LSM14A: variants seen among roughly 807,000 people sequenced by gnomAD.
LSM14A encodes LSM14A mRNA processing body assembly factor.
LSM14A carries 14 observed loss-of-function variants against 52.4 expected under a neutral mutation model. The ratio of observed to expected loss-of-function variants is 0.27; its 90% CI spans 0.18 to 0.42. LSM14A has a LOEUF of 0.42. LSM14A is among the 10% of genes least tolerant of loss of function. The pLI is 1.00. For synonymous variants in LSM14A, 185 were observed against 200.3 expected, an observed-to-expected ratio of 0.92 and a Z score of 0.64; for missense variants, 417 against 581.8, an observed-to-expected ratio of 0.72 and a Z score of 2.91.
chr19:34,196,768 GTTTTCTTTTTC>G lies in LSM14A; in HGVS notation c.415+16_415+26del. ...AGTTTGGTGCTGTTGGTGTTGGTATGTTTTCTTTTTCTTTTCTTTTTTTGTTTTTGTATTCT... is the reference window on the plus strand; with the variant it reads ...AGTTTGGTGCTGTTGGTGTTGGTATGTTTTCTTTTTTTGTTTTTGTATTCT... On this transcript the variant is annotated splice_donor_region_variant and intron_variant, in intron 3 of 9. Coordinates refer to ENST00000544216, the MANE Select transcript of LSM14A (RefSeq NM_015578.4). The G allele has an allele frequency of 6.3e-7, 1 of 1,589,150 alleles. No individual in the cohort carries two copies. Among genetic ancestry groups the G allele is most frequent in the Non-Finnish European group, 8.5e-7 (1 of 1,173,366 alleles).
intron 1 of LSM14A, among the ~76,000 whole-genome samples, chr19:34,192,319 G>GCTTTTTTTTTTT (rs2070450450): frequency 1.9e-5 from 1 of 53,410 alleles, no homozygotes; most frequent in Non-Finnish European, 3.3e-5. Flanking sequence ...TCTTTTTGTT[G>GCTTTTTTTTTTT]TTTTTTTTTT....
chr19:34,200,117 C>T (rs1409852623), intron 3 of LSM14A, among the ~76,000 whole-genome samples: 1 of 152,192 alleles, frequency 6.6e-6, no homozygotes, highest in Non-Finnish European at 1.5e-5. Flanking sequence ...AATACAGAAT[C>T]TAATTTTGAA....
At chr19:34,200,845 T>C (rs1158706548) in intron 3 of LSM14A, among the ~76,000 whole-genome samples, 1 of 152,206 alleles carries the variant, frequency 6.6e-6, no homozygotes, top group East Asian at 1.9e-4. Flanking sequence ...TAAGGAATGA[T>C]TGCAAATTGT....
At chr19:34,200,245 A>G (rs1022403581) in intron 3 of LSM14A, among the ~76,000 whole-genome samples, 6 of 152,260 alleles carry the variant, frequency 3.9e-5, no homozygotes, top group African/African-American at 1.4e-4. Flanking sequence ...TAGGCTGGCA[A>G]AGACTGAAGA....
intron 1 of LSM14A, among the ~76,000 whole-genome samples, chr19:34,175,230 C>CTTTTTTTTTTTTTTTTTTTTTT (rs924684450): frequency 6.9e-6 from 1 of 145,132 alleles, no homozygotes; most frequent in Admixed American, 6.9e-5. Context: ...TTTTCTTTTT[C>CTTTTTTTTTTTTTTTTTTTTTT]TTTTTTTTTT....
In LSM14A at chr19:34,208,939, T is replaced by G; in HGVS notation, c.426T>G (p.Ser142=). The part of the protein sequence containing the change: ...QFGAVGVAGS[S]LTSFGTETSN... ...AAACATCTCTTTAAGCTGGAAGCTC[T>G]TTGACATCCTTTGGAACAGAAACAT... The change falls in exon 4 of 10, where the codon TCT becomes TCG. Residue 142 remains serine, a synonymous_variant. Transcript: ENST00000544216. 1 of 1,594,442 alleles carries G rather than the reference T, an allele frequency of 6.3e-7. No homozygotes were observed. The highest frequency in any genetic ancestry group is 2.2e-5 in the East Asian group (1 of 44,738).
At chr19:34,186,628 G>A (rs1599667779) in intron 1 of LSM14A, among the ~76,000 whole-genome samples, 1 of 152,152 alleles carries the variant, frequency 6.6e-6, no homozygotes, top group East Asian at 1.9e-4. Context: ...TTGAAATTTA[G>A]GATAGGGGGA....
chr19:34,184,192 A>G (rs2069716538), intron 1 of LSM14A, among the ~76,000 whole-genome samples: 1 of 151,300 alleles, frequency 6.6e-6, no homozygotes, highest in African/African-American at 2.4e-5. Context: ...AGTAGCTGGG[A>G]TGACAGGCAT....
chr19:34,207,183 G>A lies in LSM14A; in HGVS notation c.416-1746G>A, dbSNP rs116384202. Among the ~76,000 whole-genome samples, 535 of 152,214 alleles carry A rather than the reference G, an allele frequency of 3.5e-3. 5 individuals carry two copies. The highest frequency in any genetic ancestry group is 0.012 in the African/African-American group (508 of 41,514). ...GAGTAGAGCGAGGGGGGTGTGGCAC[G>A]ATCAGGAACTCACGGAAGAGATTTG... On this transcript the variant is annotated intron_variant, in intron 3 of 9. Transcript: ENST00000544216.
At chr19:34,196,289 CATT>C (rs1437209788) in intron 2 of LSM14A, among the ~76,000 whole-genome samples, 2 of 152,072 alleles carry the variant, frequency 1.3e-5, no homozygotes. Context: ...GACTAAAACT[CATT>C]ATTACTAAGT....
At chr19:34,219,354 A>G (rs771097717) in intron 6 of LSM14A, 37 bp from the exon 7 acceptor site, 5 of 1,472,278 alleles carry the variant, frequency 3.4e-6, no homozygotes, top group Middle Eastern at 3.6e-4. Context: ...GCTATTACAT[A>G]TTGAATGTCC....
intron 1 of LSM14A, among the ~76,000 whole-genome samples, chr19:34,181,950 T>C (rs2069511287): frequency 6.6e-6 from 1 of 152,184 alleles, no homozygotes; most frequent in South Asian, 2.1e-4. Flanking sequence ...ATGACAGCTC[T>C]ATTCTAGTTG....
chr19:34,207,770 C>T (rs527435978), intron 3 of LSM14A, among the ~76,000 whole-genome samples: 20 of 152,284 alleles, frequency 1.3e-4, no homozygotes, highest in Non-Finnish European at 2.2e-4. Flanking sequence ...ATCTCGTGAT[C>T]TGCCCACCTC....
chr19:34,215,292 A>G lies in LSM14A; in HGVS notation c.707A>G (p.His236Arg). The change falls in exon 5 of 10, where the codon CAC (histidine) becomes CGC (arginine). Residue 236 changes from histidine (H) to arginine (R), a missense_variant. Around this residue, in one of 2 missense-constraint regions of LSM14A, gnomAD observed 357 missense variants for 457.0 expected, o/e 0.78. Transcript: ENST00000544216. ...CAAAAGGCAGGAGAGAATCAGGAGC[A>G]CAGGCGAGGTAGAACTTTAGCTGTT... is the stretch of plus-strand genomic sequence containing the variant. The part of the protein sequence containing the change: ...ASQKAGENQE[H>R]RRAEVHKVSR... The G allele has an allele frequency of 6.2e-7, 1 of 1,611,894 alleles. No homozygotes were observed. The highest frequency in any genetic ancestry group is 8.5e-7 in the Non-Finnish European group (1 of 1,179,156).
intron 1 of LSM14A, among the ~76,000 whole-genome samples, chr19:34,193,189 C>A (rs1651802): frequency 0.35 from 53,091 of 151,972 alleles, 9,728 homozygotes; most frequent in African/African-American, 0.4. Flanking sequence ...GAAATAGGGT[C>A]TTGCTGTGTC....
chr19:34,227,702 G>T lies in LSM14A; in HGVS notation c.*314G>T. On this transcript the variant is annotated 3_prime_UTR_variant, in exon 10 of 10. Coordinates refer to ENST00000544216, the MANE Select transcript of LSM14A (RefSeq NM_015578.4). ...ACAAGTATTTTTTCATCACTGAAAG[G>T]TTTTTTTTTTTTATCACTAAATTGT... 4.0e-5 allele frequency: 9 copies of T among 226,868 alleles called. No homozygotes were observed. The highest frequency in any genetic ancestry group is 9.5e-5 in the East Asian group (1 of 10,512). 14.1% of individuals were successfully genotyped at this position (226,868 alleles called of 1,614,324 possible).
chr19:34,218,225 C>T (rs986831259), intron 6 of LSM14A, among the ~76,000 whole-genome samples: 3 of 151,978 alleles, frequency 2.0e-5, no homozygotes, highest in African/African-American at 7.3e-5. Flanking sequence ...AGGCTGGTCT[C>T]GAGCTCCTGA....
intron 9 of LSM14A, chr19:34,226,375 C>CTTTTTTTTTTTT (rs528137318): frequency 3.8e-5 from 46 of 1,195,964 alleles, no homozygotes; most frequent in Admixed American, 1.8e-4. Context: ...ATCTCTTTCT[C>CTTTTTTTTTTTT]TTTTTTTTTT....
intron 3 of LSM14A, among the ~76,000 whole-genome samples, chr19:34,205,900 A>G (rs2071662446): frequency 6.6e-6 from 1 of 152,124 alleles, no homozygotes; most frequent in Non-Finnish European, 1.5e-5. Flanking sequence ...AACAAAACTG[A>G]TTAAGGAAAG....
Sources: gnomAD v4.1 joint callset for allele counts (sites outside exome capture counted in the v4.1 genomes callset) on GRCh38, gnomAD v4.1.1 for gene constraint, gnomAD v4.1.1 regional missense constraint, MANE v1.5 for transcripts, NCBI Gene and HGNC (gene_info 2026-07-23, HGNC 2026-07-21) for gene names.